BPIFC: variants seen among roughly 807,000 people sequenced by gnomAD.
BPIFC encodes the protein BPI fold-containing family C protein.
In BPIFC, 60 loss-of-function variants were observed where a neutral mutation model predicts 57.6. That is an observed-to-expected ratio of 1.04 (90% CI 0.85 to 1.29). BPIFC has a LOEUF of 1.29. Ranked by LOEUF, BPIFC falls within the 50% of genes most tolerant of loss-of-function variation. BPIFC has a pLI of 0.00. For synonymous variants in BPIFC, 243 were observed against 224.5 expected (o/e 1.08, Z -0.74); for missense variants, 581 against 600.5 (o/e 0.97, Z 0.34).
intron 9 of BPIFC, among the ~76,000 whole-genome samples, chr22:32,437,016 A>G (rs1171458481): frequency 6.6e-6 from 1 of 152,246 alleles, no homozygotes; most frequent in Non-Finnish European, 1.5e-5. Flanking sequence ...AGTGAACACT[A>G]ATGCCACGTG....
At chr22:32,434,047 A>G (rs1934318014) in intron 10 of BPIFC, among the ~76,000 whole-genome samples, 1 of 151,340 alleles carries the variant, frequency 6.6e-6, no homozygotes, top group South Asian at 2.1e-4. Flanking sequence ...ATGTTTACAC[A>G]TGAATTGTAC....
At chr22:32,451,701 A>T (rs1934900151) in intron 4 of BPIFC, among the ~76,000 whole-genome samples, 1 of 151,946 alleles carries the variant, frequency 6.6e-6, no homozygotes, top group Admixed American at 6.6e-5. Context: ...TATAATAAAT[A>T]TATATATAAA....
At chr22:32,428,269 G>GTGCA (rs577031661) in intron 13 of BPIFC, among the ~76,000 whole-genome samples, 1 of 85,688 alleles carries the variant, frequency 1.2e-5, no homozygotes, top group African/African-American at 5.1e-5. Flanking sequence ...GTGTGTGTGT[G>GTGCA]CGCGCGCGTG....
chr22:32,422,136 C>G (rs1401524581), intron 13 of BPIFC, among the ~76,000 whole-genome samples: 2 of 152,072 alleles, frequency 1.3e-5, no homozygotes, highest in African/African-American at 4.8e-5. Context: ...AGCAAGAAAT[C>G]CAATGAAGGT....
intron 8 of BPIFC, among the ~76,000 whole-genome samples, chr22:32,440,143 A>AT (rs1179088233): frequency 6.6e-6 from 1 of 151,854 alleles, no homozygotes; most frequent in Non-Finnish European, 1.5e-5. Context: ...TAATATATAT[A>AT]TTTTTTGAGA....
intron 2 of BPIFC, among the ~76,000 whole-genome samples, chr22:32,459,142 A>G (rs1265132097): frequency 6.6e-6 from 1 of 152,214 alleles, no homozygotes; most frequent in Non-Finnish European, 1.5e-5. Flanking sequence ...CACATGCAAA[A>G]GACTCACAGG....
chr22:32,431,689 C>T (rs559685385), intron 12 of BPIFC, among the ~76,000 whole-genome samples: 152 of 151,650 alleles, frequency 1.0e-3, no homozygotes, highest in African/African-American at 3.6e-3. Flanking sequence ...TGCCTATGTG[C>T]GTATGACATT....
chr22:32,454,510 C>T (rs139153079), intron 3 of BPIFC, among the ~76,000 whole-genome samples: 82 of 152,270 alleles, frequency 5.4e-4, no homozygotes, highest in African/African-American at 1.9e-3. Context: ...TTTCTCTGAG[C>T]TCATTGGGGA....
chr22:32,416,050 T>A, intron 15 of BPIFC, 59 bp from the exon 16 acceptor site: 1 of 1,166,260 alleles, frequency 8.6e-7, no homozygotes, highest in South Asian at 1.5e-5. Flanking sequence ...TTTAGCAAGC[T>A]TTTTAGTAAG....
chr22:32,429,118 G>A (rs112132286), intron 13 of BPIFC, among the ~76,000 whole-genome samples: 1,715 of 152,112 alleles, frequency 0.011, 19 homozygotes, highest in Non-Finnish European at 0.018. Flanking sequence ...ACAATTAACA[G>A]CTGTTGTGTT....
intron 5 of BPIFC, among the ~76,000 whole-genome samples, chr22:32,446,399 G>A (rs945269718): frequency 5.3e-5 from 8 of 152,310 alleles, no homozygotes; most frequent in African/African-American, 1.9e-4. Flanking sequence ...ACTCCTTGAG[G>A]GAGTGGATTG....
intron 13 of BPIFC, among the ~76,000 whole-genome samples, chr22:32,423,577 G>T (rs738259): frequency 0.019 from 2,736 of 143,254 alleles, 47 homozygotes; most frequent in South Asian, 0.025. Flanking sequence ...GTAGGGTGTG[G>T]GTGTGTGTGT....
At chr22:32,435,930 TCTAAGAAGA>T in intron 9 of BPIFC, 50 bp from the exon 10 acceptor site, 1 of 1,557,738 alleles carries the variant, frequency 6.4e-7, no homozygotes, top group Middle Eastern at 2.1e-4. Context: ...AAACTCAAAT[TCTAAGAAGA>T]CTAAGAAGAT....
At chr22:32,449,970 C>G (rs5998496) in intron 4 of BPIFC, among the ~76,000 whole-genome samples, 69,545 of 151,578 alleles carry the variant, frequency 0.46, 16,362 homozygotes, top group Non-Finnish European at 0.51. Context: ...TCCTGACCTT[C>G]TGATCCACCC....
chr22:32,445,492 G>A (rs1342193728), intron 7 of BPIFC, 143 bp downstream of exon 7: 36 of 840,450 alleles, frequency 4.3e-5, no homozygotes, highest in East Asian at 3.2e-4. Context: ...AGCGGAGATC[G>A]TGCCACTGCA....
intron 4 of BPIFC, among the ~76,000 whole-genome samples, chr22:32,450,077 G>T (rs1934849406): frequency 6.7e-6 from 1 of 149,426 alleles, no homozygotes; most frequent in Non-Finnish European, 1.5e-5. Flanking sequence ...CAGTGGAATT[G>T]TTGGGTCAAA....
chr22:32,432,516 G>T lies in BPIFC; in HGVS notation c.1006C>A (p.Pro336Thr), dbSNP rs1569450379. The T allele has an allele frequency of 1.9e-6, 3 of 1,614,128 alleles. No individual in the cohort carries two copies. Among genetic ancestry groups the T allele is most frequent in the Admixed American group, 3.3e-5 (2 of 60,000 alleles). Residue 336 changes from proline (P) to threonine (T), a missense_variant, in exon 12 of 17, where the codon CCC (proline) becomes ACC (threonine). Transcript: ENST00000300399. ...RIAEIYILSQPFMVRIMATEP... is the reference protein window; with the variant it reads ...RIAEIYILSQTFMVRIMATEP... ...GTGGCCATGATCCTCACCATGAAGGGCTGGGACAAGATGTAGATCTCTGCA... is the reference window on the plus strand; with the variant it reads ...GTGGCCATGATCCTCACCATGAAGGTCTGGGACAAGATGTAGATCTCTGCA...
chr22:32,430,010 T>C (rs377260288), intron 13 of BPIFC, among the ~76,000 whole-genome samples: 13 of 152,216 alleles, frequency 8.5e-5, no homozygotes, highest in African/African-American at 3.1e-4. Context: ...ATGGATGACT[T>C]CAACTACCAG....
At chr22:32,421,265 T>A (rs986695685) in intron 13 of BPIFC, among the ~76,000 whole-genome samples, 1 of 152,194 alleles carries the variant, frequency 6.6e-6, no homozygotes, top group Admixed American at 6.5e-5. Context: ...GCAATAATAA[T>A]GATACTATGA....
Sources: allele counts gnomAD v4.1 joint callset (sites outside exome capture counted in the v4.1 genomes callset), GRCh38; gene constraint gnomAD v4.1.1; transcripts MANE v1.5; gene names NCBI Gene and HGNC (gene_info 2026-07-23, HGNC 2026-07-21).